SOX5: variants seen among roughly 807,000 people sequenced by gnomAD.
SOX5 encodes the protein transcription factor SOX-5.
A neutral mutation model predicts 92.0 loss-of-function variants in SOX5; 9 were observed. The observed-to-expected ratio is 0.10, with a 90% CI of 0.06 to 0.17. SOX5 has a LOEUF of 0.17. Ranked by LOEUF, SOX5 falls within the 10% of genes least tolerant of loss-of-function variation. SOX5 has a pLI of 1.00. For synonymous variants in SOX5, 344 were observed against 336.3 expected (o/e 1.02, Z -0.25); for missense variants, 642 against 944.5 (o/e 0.68, Z 4.20).
At chr12:24,019,165 G>A (rs1954011416) in intron 4 of SOX5, among the ~76,000 whole-genome samples, 1 of 152,102 alleles carries the variant, frequency 6.6e-6, no homozygotes. Flanking sequence ...TTGTACAGAT[G>A]AGGTCTCACT....
intron 4 of SOX5, among the ~76,000 whole-genome samples, chr12:24,065,020 C>T (rs749915085): frequency 1.3e-5 from 2 of 152,164 alleles, no homozygotes; most frequent in Non-Finnish European, 2.9e-5. Context: ...TCACCAGATG[C>T]TTTTATTCCA....
At chr12:23,836,582 G>T (rs1296450346) in intron 3 of SOX5, among the ~76,000 whole-genome samples, 1 of 151,840 alleles carries the variant, frequency 6.6e-6, no homozygotes, top group African/African-American at 2.4e-5. Flanking sequence ...CTTTTGTATG[G>T]TGCACTATTC....
chr12:23,747,501 C>A (rs1302853161), intron 4 of SOX5, among the ~76,000 whole-genome samples: 1 of 152,130 alleles, frequency 6.6e-6, no homozygotes, highest in Non-Finnish European at 1.5e-5. Context: ...TTGCCTTCTT[C>A]CCTGACATTA....
At chr12:24,057,052 T>C (rs1216112585) in intron 4 of SOX5, among the ~76,000 whole-genome samples, 1 of 151,066 alleles carries the variant, frequency 6.6e-6, no homozygotes, top group Non-Finnish European at 1.5e-5. Context: ...GTTACAAATC[T>C]TCTATAGTTA....
At chr12:24,025,989 A>G (rs927686630) in intron 4 of SOX5, among the ~76,000 whole-genome samples, 1 of 152,090 alleles carries the variant, frequency 6.6e-6, no homozygotes, top group African/African-American at 2.4e-5. Flanking sequence ...CACTGGATTT[A>G]AAAAATATTC....
chr12:24,224,342 TTTC>T (rs1317351519), intron 3 of SOX5, among the ~76,000 whole-genome samples: 1 of 151,912 alleles, frequency 6.6e-6, no homozygotes, highest in African/African-American at 2.4e-5. Context: ...TCTTTTTTTC[TTTC>T]TTTTTTTTTT....
At chr12:24,097,128 T>C (rs1945516321) in intron 4 of SOX5, among the ~76,000 whole-genome samples, 2 of 152,158 alleles carry the variant, frequency 1.3e-5, no homozygotes, top group Non-Finnish European at 2.9e-5. Context: ...GCATTTCCTT[T>C]ATGACTAATG....
intron 2 of SOX5, among the ~76,000 whole-genome samples, chr12:23,878,469 T>C (rs1436595933): frequency 6.6e-6 from 1 of 152,114 alleles, no homozygotes; most frequent in Non-Finnish European, 1.5e-5. Context: ...ACAACAAAAA[T>C]ATCTGTTCCA....
At chr12:23,870,798 T>C (rs1379140683) in intron 2 of SOX5, among the ~76,000 whole-genome samples, 3 of 152,164 alleles carry the variant, frequency 2.0e-5, no homozygotes, top group Non-Finnish European at 4.4e-5. Context: ...AACTAAAACT[T>C]CTGGTTGTAC....
chr12:23,880,827 A>C (rs1241796132), intron 2 of SOX5, among the ~76,000 whole-genome samples: 1 of 152,210 alleles, frequency 6.6e-6, no homozygotes, highest in Non-Finnish European at 1.5e-5. Flanking sequence ...AAATGAATAG[A>C]CTAACTGTAG....
intron 4 of SOX5, among the ~76,000 whole-genome samples, chr12:24,129,878 ATTTGT>A (rs1256643614): frequency 1.3e-5 from 2 of 152,202 alleles, no homozygotes; most frequent in African/African-American, 4.8e-5. Flanking sequence ...GTTTTTGTCC[ATTTGT>A]TTTATTTTCT....
chr12:24,271,288 G>A (rs1460504176), intron 3 of SOX5, among the ~76,000 whole-genome samples: 1 of 152,128 alleles, frequency 6.6e-6, no homozygotes, highest in East Asian at 1.9e-4. Flanking sequence ...ATTTTTTCAT[G>A]TCTTGGACAT....
chr12:24,128,971 T>C (rs571157111), intron 4 of SOX5, among the ~76,000 whole-genome samples: 3 of 152,212 alleles, frequency 2.0e-5, no homozygotes, highest in East Asian at 3.9e-4. Context: ...CTTCAAGATA[T>C]ACTTTGTGAA....
At chr12:23,882,384 A>G (rs76714914) in intron 2 of SOX5, among the ~76,000 whole-genome samples, 1 of 151,754 alleles carries the variant, frequency 6.6e-6, no homozygotes, top group African/African-American at 2.4e-5. Flanking sequence ...AAAAAAAAAA[A>G]CCACGGTAAT....
chr12:23,701,351 GA>G (rs2090604346), intron 6 of SOX5, among the ~76,000 whole-genome samples: 2 of 150,628 alleles, frequency 1.3e-5, no homozygotes, highest in South Asian at 2.1e-4. Context: ...GAGGTTTCTT[GA>G]AATTTTTTTT....
chr12:23,561,105 T>G (rs1946122022), intron 11 of SOX5, among the ~76,000 whole-genome samples: 1 of 152,188 alleles, frequency 6.6e-6, no homozygotes, highest in African/African-American at 2.4e-5. Context: ...ATGATGATCA[T>G]CTTGAGAACA....
chr12:24,414,910 AT>A (rs745352323), intron 1 of SOX5, among the ~76,000 whole-genome samples: 4 of 151,542 alleles, frequency 2.6e-5, no homozygotes, highest in Non-Finnish European at 4.4e-5. Context: ...TCTACTCCAA[AT>A]CCCCAGCACA....
intron 2 of SOX5, among the ~76,000 whole-genome samples, chr12:24,335,278 A>G (rs1951765075): frequency 6.7e-6 from 1 of 149,964 alleles, no homozygotes; most frequent in Non-Finnish European, 1.5e-5. Context: ...CCAAAAAAAC[A>G]GCTCTTGCTT....
rs1227435518 is a variant in SOX5, at chr12:23,787,645, T to C, written c.482-31921A>G. ...ATTTAAAGTCTTCAGTAAGAGAATA[T>C]ACTCAACTAAAACAGACTAGGAACA... On this transcript the variant is annotated intron_variant, in intron 3 of 14. Transcript: ENST00000451604. Among the ~76,000 whole-genome samples, 203 of 152,120 alleles carry C rather than the reference T, an allele frequency of 1.3e-3. 1 individual carries two copies. The highest frequency in any genetic ancestry group is 7.4e-5 in the Non-Finnish European group (5 of 67,852).
Sources: allele counts gnomAD v4.1 joint callset (sites outside exome capture counted in the v4.1 genomes callset), GRCh38; gene constraint gnomAD v4.1.1; transcripts MANE v1.5; gene names NCBI Gene and HGNC (gene_info 2026-07-23, HGNC 2026-07-21).